Variants in AJAP1 observed in about 807,000 individuals in gnomAD.
The protein encoded by AJAP1 is adherens junction-associated protein 1.
Under a neutral mutation model 35.0 loss-of-function variants are expected in AJAP1, and 5 were observed. The ratio of observed to expected loss-of-function variants is 0.14; its 90% CI spans 0.07 to 0.30. AJAP1 has a LOEUF of 0.30. Among genes scored for constraint, AJAP1 ranks in the 10% least tolerant of loss-of-function variants. The probability of loss-of-function intolerance (pLI) is 1.00; values close to 1 mark genes in which losing one functional copy is unlikely to be tolerated. For synonymous variants in AJAP1, 284 were observed against 249.3 expected (o/e 1.14, Z -1.31); for missense variants, 586 against 571.0 (o/e 1.03, Z -0.27).
chr1:4,726,928 G>A (rs977633688), intron 2 of AJAP1, among the ~76,000 whole-genome samples: 1 of 152,202 alleles, frequency 6.6e-6, no homozygotes, highest in Non-Finnish European at 1.5e-5. Context: ...CCAGAGGGAA[G>A]CTGAGGGCCA....
At chr1:4,707,245 C>T (rs1442149691) in intron 1 of AJAP1, among the ~76,000 whole-genome samples, 4 of 152,216 alleles carry the variant, frequency 2.6e-5, no homozygotes, top group Admixed American at 2.6e-4. Flanking sequence ...CCCTTGCACA[C>T]ACCCCATTCT....
chr1:4,693,300 A>T lies in AJAP1; in HGVS notation c.30-18600A>T, dbSNP rs1570119271. Among the ~76,000 whole-genome samples, 3 of 147,500 alleles carry T rather than the reference A, an allele frequency of 2.0e-5. No homozygotes were observed. The Admixed American group carries it at 2.1e-4, about 10-fold the overall frequency. ...CCCGTGGTCAGGGGACGTCAGGGGC[A>T]TGTGCTGATGGAGAGGGACTCTCGG... On this transcript the variant is annotated intron_variant, in intron 1 of 5. Coordinates refer to ENST00000378191, the MANE Select transcript of AJAP1 (RefSeq NM_018836.4). This position sits in a 1 kb window ranked among gnomAD's most constrained non-coding sequence, Gnocchi z 4.4.
At chr1:4,671,885 G>T (rs1215334000) in intron 1 of AJAP1, among the ~76,000 whole-genome samples, 3 of 152,196 alleles carry the variant, frequency 2.0e-5, no homozygotes, top group African/African-American at 7.2e-5. Context: ...CCAGGGACCT[G>T]CTGTGTAGGT....
chr1:4,712,200 C>T lies in AJAP1; in HGVS notation c.330C>T (p.Ala110=). Reference sequence around the variant, plus strand: ...ACAGGCCCCGGGACCAGGCGGCCGCCCTCGTGCCCAAGGCAGGACTGGCCA... The same window carrying T: ...ACAGGCCCCGGGACCAGGCGGCCGCTCTCGTGCCCAAGGCAGGACTGGCCA... ...RAHRPRDQAA[A]LVPKAGLAKP... The change falls in exon 2 of 6, where the codon GCC becomes GCT. Residue 110 remains alanine (A), a synonymous_variant. Coordinates refer to ENST00000378191, the MANE Select transcript of AJAP1 (RefSeq NM_018836.4). 1 of 1,565,618 alleles carries T rather than the reference C, an allele frequency of 6.4e-7. No homozygotes were observed. The highest frequency in any genetic ancestry group is 8.6e-7 in the Non-Finnish European group (1 of 1,163,468).
intron 2 of AJAP1, among the ~76,000 whole-genome samples, chr1:4,747,377 A>T (rs534020430): frequency 8.5e-5 from 13 of 152,124 alleles, no homozygotes; most frequent in Non-Finnish European, 1.8e-4. Context: ...GGGGGCCCTC[A>T]TGTAGCTTCT....
At chr1:4,688,304 CAGTG>C (rs747436360) in intron 1 of AJAP1, among the ~76,000 whole-genome samples, 2 of 152,096 alleles carry the variant, frequency 1.3e-5, no homozygotes, top group African/African-American at 2.4e-5. Context: ...CCAAGAGAGA[CAGTG>C]AGAGAGGGAG....
At chr1:4,709,208 CCTGGTGGGGG>C (rs1216668676) in intron 1 of AJAP1, among the ~76,000 whole-genome samples, 43 of 140,040 alleles carry the variant, frequency 3.1e-4, no homozygotes, top group Admixed American at 8.0e-4. Flanking sequence ...ATTCAGCCTG[CCTGGTGGGGG>C]CTGGTGGGGG....
rs1221083990 is a variant in AJAP1, at chr1:4,723,250, T to C, written c.829+10551T>C. On this transcript the variant is annotated intron_variant, in intron 2 of 5. Transcript: ENST00000378191. This position sits in a 1 kb window ranked among gnomAD's most constrained non-coding sequence, Gnocchi z 4.3. Reference sequence around the variant, plus strand: ...GGAAGGAGCCCTTGGGACGGGACCTTCACTCTTGTGACATCCAGCCACCCT... The same window carrying C: ...GGAAGGAGCCCTTGGGACGGGACCTCCACTCTTGTGACATCCAGCCACCCT... Among the ~76,000 whole-genome samples, 1 of 152,116 alleles carries C rather than the reference T, an allele frequency of 6.6e-6. No homozygotes were observed. Among genetic ancestry groups the C allele is most frequent in the Non-Finnish European group, 1.5e-5 (1 of 68,016 alleles).
intron 1 of AJAP1, among the ~76,000 whole-genome samples, chr1:4,680,792 C>A (rs60463828): frequency 0.081 from 12,293 of 152,182 alleles, 702 homozygotes; most frequent in East Asian, 0.22. Context: ...AGTTCAGTGT[C>A]GCATTGCTAC....
intron 2 of AJAP1, among the ~76,000 whole-genome samples, chr1:4,756,531 A>G (rs1258203234): frequency 6.6e-6 from 1 of 152,194 alleles, no homozygotes; most frequent in Non-Finnish European, 1.5e-5. Flanking sequence ...CGGAGGGTCT[A>G]GGGCAGAACA....
intron 1 of AJAP1, among the ~76,000 whole-genome samples, chr1:4,678,802 C>T (rs759686406): frequency 1.1e-4 from 17 of 152,188 alleles, no homozygotes; most frequent in Non-Finnish European, 2.5e-4. Flanking sequence ...CCACTGCGGT[C>T]ATTTGCTCTC....
chr1:4,756,035 T>C (rs571649076), intron 2 of AJAP1, among the ~76,000 whole-genome samples: 1 of 152,020 alleles, frequency 6.6e-6, no homozygotes, highest in African/African-American at 2.4e-5. Context: ...TTGCTAAGCA[T>C]AGACTTATGC....
Position 4,783,469 on chromosome 1 carries a change from GTGTATATATATATATATATATATATATA to G in AJAP1, c.*986_*1013del, listed in dbSNP as rs1265605884. 8 of 111,470 alleles carry G rather than the reference GTGTATATATATATATATATATATATATA, an allele frequency of 7.2e-5. No individual in the cohort carries two copies. The highest frequency in any genetic ancestry group is 1.1e-4 in the African/African-American group (3 of 28,366). 6.9% of individuals were successfully genotyped at this position (111,470 alleles called of 1,614,324 possible). A position where few individuals can be genotyped will look rare whatever the true frequency, so the allele number is the denominator to read the frequency against. ...GAATGCCAAGGTTTTATATATGTGT[GTGTATATATATATATATATATATATATA>G]TATATATATATATGTTTGTGTGTGT... is the stretch of plus-strand genomic sequence containing the variant. On this transcript the variant is annotated 3_prime_UTR_variant, in exon 6 of 6. Transcript: ENST00000378191.
chr1:4,748,672 G>A (rs1641249828), intron 2 of AJAP1, among the ~76,000 whole-genome samples: 1 of 150,894 alleles, frequency 6.6e-6, no homozygotes. Context: ...CGCTTAAACT[G>A]GGGAGGCTGA....
At chr1:4,775,258 G>A (rs2100366860) in intron 5 of AJAP1, among the ~76,000 whole-genome samples, 1 of 152,216 alleles carries the variant, frequency 6.6e-6, no homozygotes. Flanking sequence ...AGGGGAGAGA[G>A]CATTGCGCCC....
At chr1:4,772,642 C>G (rs1641862638) in intron 4 of AJAP1, 117 bp downstream of exon 4, 1 of 1,433,722 alleles carries the variant, frequency 7.0e-7, no homozygotes, top group African/African-American at 1.4e-5. Context: ...CCTGAGGTCG[C>G]TTTGAGGGGC....
At chr1:4,762,395 GGGTATTGT>G (rs1557644206) in intron 2 of AJAP1, among the ~76,000 whole-genome samples, 1 of 152,216 alleles carries the variant, frequency 6.6e-6, no homozygotes, top group Non-Finnish European at 1.5e-5. Flanking sequence ...TAGGGCCGTG[GGGTATTGT>G]GGTATTAGCT....
Position 4,769,889 on chromosome 1 carries a change from C to G in AJAP1, c.866C>G (p.Ser289Cys), listed in dbSNP as rs1641796477. The change falls in exon 3 of 6, where the codon TCC becomes TGC. Residue 289 changes from serine to cysteine, a missense_variant. Ser to Cys is a moderately radical substitution (Grantham distance 112). Transcript: ENST00000378191. ...AVHQIITITV[S>C]LIMVIAALIT... ...CATCAGATCATCACCATCACCGTCT[C>G]CCTCATCATGGTCATAGCTGCTCTC... The G allele has an allele frequency of 6.2e-7, 1 of 1,614,096 alleles. No individual in the cohort carries two copies.
intron 2 of AJAP1, among the ~76,000 whole-genome samples, chr1:4,729,295 C>T (rs1377211758): frequency 2.0e-5 from 3 of 152,106 alleles, no homozygotes; most frequent in South Asian, 4.2e-4. Flanking sequence ...GTCTCGAGGG[C>T]GTCACTCCTC....
Sources: allele counts gnomAD v4.1 joint callset (sites outside exome capture counted in the v4.1 genomes callset), GRCh38; gene constraint gnomAD v4.1.1; non-coding constraint Gnocchi (gnomAD v3.1); transcripts MANE v1.5; gene names NCBI Gene and HGNC (gene_info 2026-07-23, HGNC 2026-07-21).